PADI6: variants seen among roughly 807,000 people sequenced by gnomAD.
The protein encoded by PADI6 is inactive protein-arginine deiminase type-6.
Under a neutral mutation model 78.2 loss-of-function variants are expected in PADI6, and 66 were observed. That is an observed-to-expected ratio of 0.84 (90% CI 0.69 to 1.04). The LOEUF is 1.04. PADI6 is among the 50% of genes least tolerant of loss of function. PADI6 has a pLI of 0.00. For synonymous variants in PADI6, 397 were observed against 346.9 expected, an observed-to-expected ratio of 1.14 and a Z score of -1.60; for missense variants, 854 against 866.1, an observed-to-expected ratio of 0.99 and a Z score of 0.18.
intron 8 of PADI6, among the ~76,000 whole-genome samples, chr1:17,391,436 T>G (rs2075182772): frequency 6.6e-6 from 1 of 152,106 alleles, no homozygotes; most frequent in African/African-American, 2.4e-5. Context: ...GCCAGGATGG[T>G]CTCAAACTCC....
At chr1:17,381,338 AG>A (rs1482235419) in intron 5 of PADI6, among the ~76,000 whole-genome samples, 174 bp downstream of exon 5, 1 of 152,264 alleles carries the variant, frequency 6.6e-6, no homozygotes, top group African/African-American at 2.4e-5. Context: ...TAATTGGGTA[AG>A]AGAAGTCACA....
intron 8 of PADI6, among the ~76,000 whole-genome samples, chr1:17,391,165 G>A (rs2075179215): frequency 6.6e-6 from 1 of 152,142 alleles, no homozygotes; most frequent in Non-Finnish European, 1.5e-5. Context: ...CAATATTAGG[G>A]CCTTGCTGAC....
chr1:17,380,244 C>T (rs1172317131), intron 4 of PADI6, among the ~76,000 whole-genome samples: 1 of 152,126 alleles, frequency 6.6e-6, no homozygotes, highest in Non-Finnish European at 1.5e-5. Context: ...GAGTTTCCCT[C>T]TGTTACCCAG....
chr1:17,373,118 T>A lies in PADI6; in HGVS notation c.179T>A (p.Val60Glu). Reference sequence around the variant, plus strand: ...GGCTCTGGGAGGGTCTTGATCGATGTGGCCAACACGGTGATTTCTGAGAAG... The same window carrying A: ...GGCTCTGGGAGGGTCTTGATCGATGAGGCCAACACGGTGATTTCTGAGAAG... ...IHGSGRVLID[V>E]ANTVISEKED... The change falls in exon 2 of 16, where the codon GTG (valine) becomes GAG (glutamate). Residue 60 changes from valine to glutamate, a missense_variant. Transcript: ENST00000619609. 1.2e-6 allele frequency: 2 copies of A among 1,614,002 alleles called. No individual in the cohort carries two copies. Among genetic ancestry groups the A allele is most frequent in the Non-Finnish European group, 1.7e-6 (2 of 1,179,852 alleles).
At chr1:17,393,949 A>G in intron 9 of PADI6, 26 bp from the exon 10 acceptor site, 1 of 1,601,198 alleles carries the variant, frequency 6.2e-7, no homozygotes. Flanking sequence ...TGACTGGCAA[A>G]CAATCTGTCT....
chr1:17,376,540 T>A (rs1239101542), intron 3 of PADI6, among the ~76,000 whole-genome samples: 2 of 149,502 alleles, frequency 1.3e-5, no homozygotes, highest in African/African-American at 2.5e-5. Context: ...AGTGGGCTAT[T>A]TTTTTTGTAT....
chr1:17,388,337 C>T, intron 6 of PADI6, 44 bp from the exon 7 acceptor site: 1 of 1,535,442 alleles, frequency 6.5e-7, no homozygotes, highest in Non-Finnish European at 8.8e-7. Context: ...GTGACCGGCA[C>T]CAGGTTACTT....
At chr1:17,393,384 G>A (rs2075210891) in intron 9 of PADI6, among the ~76,000 whole-genome samples, 1 of 152,218 alleles carries the variant, frequency 6.6e-6, no homozygotes, top group South Asian at 2.1e-4. Context: ...AAGAATAGAA[G>A]CGAAACTGGA....
At chr1:17,400,506 GT>G (rs199767407) in intron 15 of PADI6, among the ~76,000 whole-genome samples, 2 of 147,632 alleles carry the variant, frequency 1.4e-5, no homozygotes, top group Non-Finnish European at 3.0e-5. Flanking sequence ...AAACTGTTTT[GT>G]TTTTTTGTTT....
At chr1:17,384,507 A>G (rs1017251545) in intron 6 of PADI6, among the ~76,000 whole-genome samples, 5 of 152,012 alleles carry the variant, frequency 3.3e-5, no homozygotes, top group African/African-American at 1.2e-4. Context: ...GAGTAGACCA[A>G]GACTGGTGGA....
At position 17,381,972 on chromosome 1, in the gene PADI6, A is replaced by G. The variant is rs1186822935; in HGVS notation, c.559A>G (p.Thr187Ala). 1.9e-6 allele frequency: 3 copies of G among 1,613,760 alleles called. No homozygotes were observed. The highest frequency in any genetic ancestry group is 4.5e-5 in the East Asian group (2 of 44,884). Residue 187 changes from threonine to alanine, a missense_variant, in exon 6 of 16, where the codon ACG (threonine) becomes GCG (alanine). Thr to Ala is a moderately conservative substitution (Grantham distance 58, BLOSUM62 0). Transcript: ENST00000619609. ...TTGCTTTGTCTTTTGCCCAGAAATA[A>G]CGAATCTGTCCCAGATGACTCTGAA... ...TKKVIFSEEI[T>A]NLSQMTLNVQ... is the part of the protein sequence containing the mutation.
At chr1:17,391,542 C>CCT (rs2075184201) in intron 8 of PADI6, among the ~76,000 whole-genome samples, 1 of 152,220 alleles carries the variant, frequency 6.6e-6, no homozygotes, top group Admixed American at 6.5e-5. Flanking sequence ...TTAACATCAG[C>CCT]CTCACACACT....
intron 4 of PADI6, 100 bp from the exon 5 acceptor site, chr1:17,380,947 G>A (rs2075066661): frequency 3.1e-6 from 3 of 975,712 alleles, no homozygotes; most frequent in South Asian, 3.2e-5. Flanking sequence ...CCTGTACCCT[G>A]GAGAAAGGCT....
In PADI6 at chr1:17,380,112, C is replaced by G. The variant is rs61766771; in HGVS notation, c.435+125C>G. ...TGTGACATTGCTGAAGGATTAGATA[C>G]GTGGAGGGGAGGGGTAAACCAAACT... On this transcript the variant is annotated intron_variant, in intron 4 of 15. Coordinates refer to ENST00000619609, the MANE Select transcript of PADI6 (RefSeq NM_207421.4). 0.056 allele frequency: 49,784 copies of G among 884,164 alleles called. 2,303 individuals carry two copies. The highest frequency in any genetic ancestry group is 0.17 in the South Asian group (11,115 of 64,184). 54.8% of individuals were successfully genotyped at this position (884,164 alleles called of 1,614,324 possible). A position where few individuals can be genotyped will look rare whatever the true frequency, so the allele number is the denominator to read the frequency against.
At chr1:17,396,980 C>CA in intron 13 of PADI6, 91 bp from the exon 14 acceptor site, 1 of 1,250,520 alleles carries the variant, frequency 8.0e-7, no homozygotes, top group Non-Finnish European at 1.2e-6. Context: ...AGGAATGCAC[C>CA]CAGGTGGCTG....
intron 8 of PADI6, among the ~76,000 whole-genome samples, chr1:17,389,380 C>T (rs1015627748): frequency 7.2e-5 from 11 of 152,258 alleles, no homozygotes; most frequent in South Asian, 4.1e-4. Context: ...TGGTACTGCT[C>T]GCCCACTGCC....
chr1:17,373,015 G>A, intron 1 of PADI6, 41 bp from the exon 2 acceptor site: 2 of 1,530,082 alleles, frequency 1.3e-6, no homozygotes, highest in South Asian at 2.3e-5. Context: ...GGCTGAGAAG[G>A]TGTTTGTGCC....
In PADI6 at chr1:17,397,025, C is replaced by T. The variant is rs563425385; in HGVS notation, c.1619-46C>T. 12 of 1,587,648 alleles carry T rather than the reference C, an allele frequency of 7.6e-6. No homozygotes were observed. The African/African-American group carries it at 1.6e-4, about 21-fold the overall frequency. Reference sequence around the variant, plus strand: ...CGAGTGTGCCCAGCTCTGGGCAGTGCTGCCATTCCCTGACCAGCAGGCCTG... The same window carrying T: ...CGAGTGTGCCCAGCTCTGGGCAGTGTTGCCATTCCCTGACCAGCAGGCCTG... On this transcript the variant is annotated intron_variant, in intron 13 of 15. Coordinates refer to ENST00000619609, the MANE Select transcript of PADI6 (RefSeq NM_207421.4).
At chr1:17,377,647 T>C (rs2075032081) in intron 3 of PADI6, among the ~76,000 whole-genome samples, 2 of 152,216 alleles carry the variant, frequency 1.3e-5, no homozygotes, top group Non-Finnish European at 2.9e-5. Flanking sequence ...AACCTTGGCA[T>C]CACCTGATTC....
Sources: gnomAD v4.1 joint callset for allele counts (sites outside exome capture counted in the v4.1 genomes callset) on GRCh38, gnomAD v4.1.1 for gene constraint, MANE v1.5 for transcripts, NCBI Gene and HGNC (gene_info 2026-07-23, HGNC 2026-07-21) for gene names.